CNTN3: variants seen among roughly 807,000 people sequenced by gnomAD.
CNTN3 encodes contactin-3.
A neutral mutation model predicts 119.1 loss-of-function variants in CNTN3; 60 were observed. That is an observed-to-expected ratio of 0.50 (90% CI 0.41 to 0.62). The LOEUF (loss-of-function observed/expected upper bound fraction) is 0.62. CNTN3 is among the 20% of genes least tolerant of loss of function. The probability of loss-of-function intolerance (pLI) is 0.00; values close to 1 mark genes in which losing one functional copy is unlikely to be tolerated. For synonymous variants in CNTN3, 450 were observed against 438.7 expected (o/e 1.03, Z -0.32); for missense variants, 1,101 against 1,242.4 (o/e 0.89, Z 1.71).
intron 5 of CNTN3, among the ~76,000 whole-genome samples, chr3:74,407,837 T>A (rs1575696190): frequency 6.6e-6 from 1 of 152,222 alleles, no homozygotes; most frequent in Non-Finnish European, 1.5e-5. Flanking sequence ...CCTCAGGGCA[T>A]CCATTGAAAG....
At chr3:74,592,432 G>A (rs989906734) in intron 1 of CNTN3, among the ~76,000 whole-genome samples, 13 of 151,516 alleles carry the variant, frequency 8.6e-5, no homozygotes, top group African/African-American at 1.9e-4. Flanking sequence ...AAAAAAATAC[G>A]CTTACTCTAA....
intron 8 of CNTN3, among the ~76,000 whole-genome samples, chr3:74,367,585 T>G (rs1276157136): frequency 2.6e-5 from 4 of 151,866 alleles, no homozygotes; most frequent in Non-Finnish European, 5.9e-5. Context: ...GAGTAACAAC[T>G]GATGTGCTAG....
At chr3:74,279,917 C>T (rs932300070) in intron 20 of CNTN3, among the ~76,000 whole-genome samples, 1 of 151,682 alleles carries the variant, frequency 6.6e-6, no homozygotes, top group Admixed American at 6.6e-5. Flanking sequence ...TTAACAGGGA[C>T]AAAAAAATAG....
intron 5 of CNTN3, among the ~76,000 whole-genome samples, chr3:74,412,245 A>G (rs957169430): frequency 6.6e-6 from 1 of 152,024 alleles, no homozygotes; most frequent in Non-Finnish European, 1.5e-5. Context: ...GATTTCCCCT[A>G]CTCTGTTGTG....
At chr3:74,340,543 G>A (rs1418726877) in intron 11 of CNTN3, among the ~76,000 whole-genome samples, 2 of 152,088 alleles carry the variant, frequency 1.3e-5, no homozygotes, top group African/African-American at 2.4e-5. Context: ...CACCCAAAGA[G>A]AATGACACTT....
At chr3:74,452,902 G>T (rs1043503340) in intron 4 of CNTN3, among the ~76,000 whole-genome samples, 1 of 151,520 alleles carries the variant, frequency 6.6e-6, no homozygotes, top group African/African-American at 2.4e-5. Context: ...TTGATGTGCT[G>T]CTGGATTCGG....
intron 13 of CNTN3, among the ~76,000 whole-genome samples, chr3:74,303,454 A>G (rs1702498631): frequency 6.6e-6 from 1 of 152,116 alleles, no homozygotes. Flanking sequence ...GCATTTTGGG[A>G]GGCTGAGGTG....
At chr3:74,350,749 A>G (rs1703792505) in intron 11 of CNTN3, among the ~76,000 whole-genome samples, 1 of 152,172 alleles carries the variant, frequency 6.6e-6, no homozygotes, top group Admixed American at 6.5e-5. Context: ...CATAAAACAG[A>G]ATGAAATCAT....
At chr3:74,396,071 T>C (rs1345430103) in intron 5 of CNTN3, among the ~76,000 whole-genome samples, 2 of 152,184 alleles carry the variant, frequency 1.3e-5, no homozygotes, top group African/African-American at 2.4e-5. Flanking sequence ...CTCTCTCTCT[T>C]TTCTCCTCTC....
intron 22 of CNTN3, 91 bp downstream of exon 22, chr3:74,266,390 G>C (rs1701660253): frequency 8.5e-6 from 11 of 1,298,512 alleles, no homozygotes; most frequent in Non-Finnish European, 1.2e-5. Context: ...TTGCTGGAAA[G>C]AAAGAATGGA....
At chr3:74,265,469 T>C (rs976981383) in intron 22 of CNTN3, among the ~76,000 whole-genome samples, 2 of 152,178 alleles carry the variant, frequency 1.3e-5, no homozygotes, top group African/African-American at 2.4e-5. Flanking sequence ...TAATTTCTAC[T>C]TTTGCTCTAT....
chr3:74,403,750 G>A (rs1245592304), intron 5 of CNTN3, among the ~76,000 whole-genome samples: 2 of 152,086 alleles, frequency 1.3e-5, no homozygotes, highest in African/African-American at 4.8e-5. Flanking sequence ...TGGGCCTTTA[G>A]AAATATTCTG....
At chr3:74,438,155 T>G (rs1254789944) in intron 4 of CNTN3, among the ~76,000 whole-genome samples, 2 of 152,218 alleles carry the variant, frequency 1.3e-5, no homozygotes, top group Admixed American at 1.3e-4. Context: ...TGCAGTTATC[T>G]TAATTATGTA....
intron 2 of CNTN3, among the ~76,000 whole-genome samples, chr3:74,517,649 C>A (rs927928559): frequency 6.6e-6 from 1 of 151,808 alleles, no homozygotes; most frequent in African/African-American, 2.4e-5. Context: ...TCTTCTTCCA[C>A]CTCTCCCTTT....
intron 4 of CNTN3, among the ~76,000 whole-genome samples, chr3:74,446,521 G>A (rs186486408): frequency 6.6e-6 from 1 of 152,196 alleles, no homozygotes; most frequent in Non-Finnish European, 1.5e-5. Flanking sequence ...CTAAGCCAGT[G>A]ACATGTAGCA....
rs1364510363 is a variant in CNTN3, at chr3:74,614,517, G to A, written c.-207C>T. Among the ~76,000 whole-genome samples, 1 of 145,294 alleles carries A rather than the reference G, an allele frequency of 6.9e-6. No individual in the cohort carries two copies. Among genetic ancestry groups the A allele is most frequent in the Non-Finnish European group, 1.5e-5 (1 of 65,708 alleles). On this transcript the variant is annotated 5_prime_UTR_variant, in exon 1 of 23. The change creates a new upstream start codon in the 5' untranslated region. Transcript: ENST00000263665. ...CCGGGGGGCCGCCGTGCGCGCCCGC[G>A]TAAGCCGCCGCCGCCGCAGGCGCAG... is the stretch of plus-strand genomic sequence containing the variant.
intron 4 of CNTN3, among the ~76,000 whole-genome samples, chr3:74,427,454 T>G (rs141137714): frequency 6.6e-6 from 1 of 152,280 alleles, no homozygotes; most frequent in African/African-American, 2.4e-5. Flanking sequence ...TTTTCTCCTT[T>G]TTTGCAACAC....
At chr3:74,461,065 A>G (rs780520240) in intron 4 of CNTN3, among the ~76,000 whole-genome samples, 1 of 151,592 alleles carries the variant, frequency 6.6e-6, no homozygotes, top group South Asian at 2.1e-4. Context: ...TAGGTATTGA[A>G]TTTTATCAAA....
At chr3:74,372,264 A>T (rs1575668115) in intron 5 of CNTN3, among the ~76,000 whole-genome samples, 1 of 152,158 alleles carries the variant, frequency 6.6e-6, no homozygotes, top group Non-Finnish European at 1.5e-5. Flanking sequence ...GCCTCAATAA[A>T]GATTCATGGA....
Sources: allele counts gnomAD v4.1 joint callset (sites outside exome capture counted in the v4.1 genomes callset), GRCh38; gene constraint gnomAD v4.1.1; transcripts MANE v1.5; gene names NCBI Gene and HGNC (gene_info 2026-07-23, HGNC 2026-07-21).